The following HEPH variants were observed in gnomAD, a reference collection of about 807,000 sequenced individuals.
The protein encoded by HEPH is hephaestin.
In HEPH, 69 loss-of-function variants were observed where a neutral mutation model predicts 80.8. The observed-to-expected ratio is 0.85, with a 90% CI of 0.70 to 1.04. The LOEUF is 1.04. Ranked by LOEUF, HEPH falls within the 50% of genes least tolerant of loss-of-function variation. The probability of loss-of-function intolerance (pLI) is 0.00; values close to 1 mark genes in which losing one functional copy is unlikely to be tolerated. For synonymous variants in HEPH, 431 were observed against 322.8 expected, an observed-to-expected ratio of 1.34 and a Z score of -3.60; for missense variants, 1,115 against 891.3, an observed-to-expected ratio of 1.25 and a Z score of -3.20.
At chrX:66,198,838 T>C (rs767306749) in intron 10 of HEPH, 40 bp from the exon 11 acceptor site, 1 of 1,050,110 alleles carries the variant, frequency 9.5e-7, no homozygotes, top group Non-Finnish European at 1.3e-6. Context: ...GCTGAAACTA[T>C]TGTCATTATT....
In HEPH at chrX:66,188,407, A is replaced by T; in HGVS notation, c.674A>T (p.Asp225Val). 1 of 1,204,186 alleles carries T rather than the reference A, an allele frequency of 8.3e-7. No homozygotes were observed. The highest frequency in any genetic ancestry group is 1.7e-5 in the African/African-American group (1 of 57,630). Residue 225 changes from aspartate to valine, a missense_variant, in exon 5 of 21, where the codon GAT (aspartate) becomes GTT (valine). Coordinates refer to ENST00000343002, the MANE Select transcript of HEPH (RefSeq NM_001367233.3). Reference sequence around the variant, plus strand: ...CCTCAACGCCAGGATGTAGACCATGATTTCTTCCTCCTCTTCAGTGTGGTA... The same window carrying T: ...CCTCAACGCCAGGATGTAGACCATGTTTTCTTCCTCCTCTTCAGTGTGGTA... ...SPPQRQDVDH[D>V]FFLLFSVVDE...
chrX:66,210,067 G>C (rs1447034143), intron 15 of HEPH, among the ~76,000 whole-genome samples: 1 of 111,264 alleles, frequency 9.0e-6, no homozygotes, highest in African/African-American at 3.3e-5. Context: ...AAAATACTCA[G>C]ATGAGACCCC....
intron 10 of HEPH, among the ~76,000 whole-genome samples, chrX:66,198,668 G>C (rs1477753724): frequency 9.0e-6 from 1 of 110,788 alleles, no homozygotes; most frequent in Non-Finnish European, 1.9e-5. Context: ...TTCCCTGTCA[G>C]GCTTGTACTT....
chrX:66,228,897 A>C (rs1310515980), intron 15 of HEPH, among the ~76,000 whole-genome samples: 1 of 112,330 alleles, frequency 8.9e-6, no homozygotes, highest in Admixed American at 9.4e-5. Flanking sequence ...TGGCATGGAT[A>C]TGGTGAAAAG....
At chrX:66,166,739 G>A (rs1012285942) in intron 1 of HEPH, among the ~76,000 whole-genome samples, 3 of 111,949 alleles carry the variant, frequency 2.7e-5, no homozygotes, top group African/African-American at 9.7e-5. Flanking sequence ...AAGTTTGTCT[G>A]ACTCAAAAGT....
chrX:66,259,126 G>A, intron 18 of HEPH, 147 bp downstream of exon 18: 1 of 624,765 alleles, frequency 1.6e-6, no homozygotes, highest in Non-Finnish European at 2.3e-6. Flanking sequence ...GGAAATTCTA[G>A]TCTGGCTGTA....
At chrX:66,192,102 G>A in intron 6 of HEPH, 28 bp from the exon 7 acceptor site, 1 of 1,186,007 alleles carries the variant, frequency 8.4e-7, no homozygotes, top group Non-Finnish European at 1.1e-6. Context: ...TGGATAGAAT[G>A]GGGTCAGCCA....
At chrX:66,192,347 C>A (rs766616976) in intron 7 of HEPH, 49 bp downstream of exon 7, 9 of 1,056,919 alleles carry the variant, frequency 8.5e-6, no homozygotes, top group Non-Finnish European at 1.2e-5. Flanking sequence ...TGGTCCAGCT[C>A]CAAACATTTA....
chrX:66,268,007 T>C (rs1367514196), downstream of HEPH: 1 of 111,794 alleles, frequency 8.9e-6, no homozygotes, highest in East Asian at 2.8e-4. Context: ...AATTCTTGAT[T>C]GCGTTTGGAT....
intron 15 of HEPH, among the ~76,000 whole-genome samples, chrX:66,245,316 C>T (rs972886086): frequency 4.9e-4 from 54 of 111,206 alleles, no homozygotes; most frequent in African/African-American, 1.6e-3. Flanking sequence ...CAAAAAAAGG[C>T]AGGGGTTGCA....
chrX:66,260,138 C>G lies in HEPH; in HGVS notation c.3075C>G (p.Phe1025Leu). 3 of 1,208,918 alleles carry G rather than the reference C, an allele frequency of 2.5e-6. No individual in the cohort carries two copies. The highest frequency in any genetic ancestry group is 3.4e-6 in the Non-Finnish European group (3 of 893,534). ...ENYRADVVDL[F>L]PGTFEVVEMV... The stretch of plus-strand genomic sequence containing the variant: ...ACCGGGCAGATGTGGTGGATCTGTT[C>G]CCAGGGACTTTTGAGGTTGTGGAGA... The change falls in exon 19 of 21, where the codon TTC becomes TTG. Residue 1025 changes from phenylalanine (F) to leucine (L), a missense_variant. By Grantham distance (22) the Phe-to-Leu change is conservative (BLOSUM62 0). This residue lies in a region of HEPH where 716 missense variants were observed against 523.5 expected (regional missense o/e 1.37). Coordinates refer to ENST00000343002, the MANE Select transcript of HEPH (RefSeq NM_001367233.3).
At chrX:66,265,376 G>C (rs1380725773) in intron 20 of HEPH, among the ~76,000 whole-genome samples, 1 of 110,721 alleles carries the variant, frequency 9.0e-6, no homozygotes. Context: ...CAGTTAACAT[G>C]TATTGGGTAC....
chrX:66,222,104 G>A (rs1487501105), intron 15 of HEPH, among the ~76,000 whole-genome samples: 1 of 113,081 alleles, frequency 8.8e-6, no homozygotes, highest in Non-Finnish European at 1.9e-5. Context: ...AGGGCTGACT[G>A]ATTAGTAAGC....
intron 4 of HEPH, among the ~76,000 whole-genome samples, chrX:66,187,721 A>C (rs980947136): frequency 1.8e-5 from 2 of 111,191 alleles, no homozygotes; most frequent in Non-Finnish European, 3.8e-5. Context: ...TGGTGTGTTC[A>C]TGAAGGGTGC....
Position 66,172,431 on chromosome X carries a change from A to G in HEPH, c.244A>G (p.Lys82Glu). The G allele has an allele frequency of 8.3e-7, 1 of 1,209,545 alleles. No homozygotes were observed. Among genetic ancestry groups the G allele is most frequent in the Non-Finnish European group, 1.1e-6 (1 of 894,223 alleles). Residue 82 changes from lysine (K) to glutamate (E), a missense_variant, in exon 3 of 21, where the codon AAG becomes GAG. This residue lies in a region of HEPH where 391 missense variants were observed against 343.6 expected (regional missense o/e 1.14). Coordinates refer to ENST00000343002, the MANE Select transcript of HEPH (RefSeq NM_001367233.3). Reference protein sequence around the residue: ...TYKKTIYKEYKDDSYTDEVAQ... With the variant: ...TYKKTIYKEYEDDSYTDEVAQ... ...CAAGAAGACCATCTATAAAGAATAC[A>G]AGGATGACTCATACACAGATGAAGT...
At chrX:66,173,223 A>T (rs1342598428) in intron 3 of HEPH, among the ~76,000 whole-genome samples, 2 of 111,878 alleles carry the variant, frequency 1.8e-5, no homozygotes, top group South Asian at 3.7e-4. Flanking sequence ...AAATTCTGTG[A>T]TTGCCTGCTT....
At chrX:66,235,328 G>A (rs2090318877) in intron 15 of HEPH, among the ~76,000 whole-genome samples, 1 of 111,532 alleles carries the variant, frequency 9.0e-6, no homozygotes, top group African/African-American at 3.3e-5. Flanking sequence ...TTATACTTTT[G>A]GATTTCACAT....
At chrX:66,175,444 G>A (rs1386638692) in intron 4 of HEPH, among the ~76,000 whole-genome samples, 3 of 111,865 alleles carry the variant, frequency 2.7e-5, no homozygotes, top group Middle Eastern at 9.3e-3. Flanking sequence ...GTAGTGTGAT[G>A]CCTCCAGATT....
At chrX:66,217,828 A>G (rs1342632870) in intron 15 of HEPH, among the ~76,000 whole-genome samples, 2 of 111,835 alleles carry the variant, frequency 1.8e-5, no homozygotes, top group Admixed American at 1.9e-4. Context: ...AACTTAAGGT[A>G]AAAGGGGGGA....
Sources: allele counts gnomAD v4.1 joint callset (sites outside exome capture counted in the v4.1 genomes callset), GRCh38; gene constraint gnomAD v4.1.1; regional missense constraint gnomAD v4.1.1; transcripts MANE v1.5; gene names NCBI Gene and HGNC (gene_info 2026-07-23, HGNC 2026-07-21).